Variants in RIMKLA observed in about 807,000 individuals in gnomAD.
RIMKLA encodes ribosomal modification protein rimK like family member A.
In RIMKLA, 14 loss-of-function variants were observed where a neutral mutation model predicts 32.7. The ratio of observed to expected loss-of-function variants is 0.43; its 90% CI spans 0.28 to 0.67. The LOEUF (loss-of-function observed/expected upper bound fraction) is 0.67. Among genes scored for constraint, RIMKLA ranks in the 30% least tolerant of loss-of-function variants. The probability of loss-of-function intolerance (pLI) is 0.18; values close to 1 mark genes in which losing one functional copy is unlikely to be tolerated. For missense variants in RIMKLA, 410 were observed against 519.0 expected (o/e 0.79, Z 2.04); for synonymous variants, 176 against 204.1 (o/e 0.86, Z 1.18).
rs1557749905 is a variant in RIMKLA, at chr1:42,385,842, T to TCTCTCTCTC, written c.163+4745_163+4746insCTCTCTCTC. Among the ~76,000 whole-genome samples, 291 of 63,606 alleles carry TCTCTCTCTC rather than the reference T, an allele frequency of 4.6e-3. 39 individuals are homozygous for TCTCTCTCTC. Among genetic ancestry groups the TCTCTCTCTC allele is most frequent in the Non-Finnish European group, 7.4e-3 (221 of 29,868 alleles). 41.7% of individuals were successfully genotyped at this position (63,606 alleles called of 152,430 possible). On this transcript the variant is annotated intron_variant, in intron 1 of 4. Coordinates refer to ENST00000431473, the MANE Select transcript of RIMKLA (RefSeq NM_173642.4). ...TTCCTTCCTTCCTTTCTTTCTTTCTTTCTCTTTCTTTCTTTCTTTCTTTCT... is the reference window on the plus strand; with the variant it reads ...TTCCTTCCTTCCTTTCTTTCTTTCTTCTCTCTCTCTCTCTTTCTTTCTTTCTTTCTTTCT...
rs766592402 is a variant in RIMKLA, at chr1:42,414,594, G to A, written c.796G>A (p.Asp266Asn). The change falls in exon 5 of 5, where the codon GAT becomes AAT. Residue 266 changes from aspartate (D) to asparagine (N), a missense_variant. Asp to Asn is a conservative substitution (Grantham distance 23). Transcript: ENST00000431473. ...TGGCATTGATCTCCTTATCATGGACGATGGCTCCTTTGTGGTGTGTGAGGC... is the reference window on the plus strand; with the variant it reads ...TGGCATTGATCTCCTTATCATGGACAATGGCTCCTTTGTGGTGTGTGAGGC... ...FCGIDLLIMD[D>N]GSFVVCEANA... 21 of 1,614,230 alleles carry A rather than the reference G, an allele frequency of 1.3e-5. No individual in the cohort carries two copies. Among genetic ancestry groups the A allele is most frequent in the African/African-American group, 2.7e-5 (2 of 75,070 alleles).
Position 42,422,482 on chromosome 1 carries a change from A to G in RIMKLA, c.*7508A>G, listed in dbSNP as rs1643303628. 1 of 152,254 alleles carries G rather than the reference A, an allele frequency of 6.6e-6. No individual in the cohort carries two copies. The highest frequency in any genetic ancestry group is 1.5e-5 in the Non-Finnish European group (1 of 68,046). The allele number at this position is 152,254 out of a possible 1,614,324, so 9.4% of individuals were successfully genotyped here. A position where few individuals can be genotyped will look rare whatever the true frequency, so the allele number is the denominator to read the frequency against. ...AATAGCTCATTTCCAAGTGGTTTAT[A>G]CAGCAATAACAGTGTTAACTTCTCC... On this transcript the variant is annotated 3_prime_UTR_variant, in exon 5 of 5. Coordinates refer to ENST00000431473, the MANE Select transcript of RIMKLA (RefSeq NM_173642.4).
intron 1 of RIMKLA, among the ~76,000 whole-genome samples, chr1:42,382,390 A>G (rs1642897073): frequency 6.6e-6 from 1 of 152,236 alleles, no homozygotes; most frequent in Non-Finnish European, 1.5e-5. Flanking sequence ...TACAGTTAAC[A>G]AGTATCTTGG....
Position 42,416,087 on chromosome 1 carries a change from C to CGCGG in RIMKLA, c.*1114_*1115insCGGG, listed in dbSNP as rs1643244443. ...CAGGAATTACCCATTGCACATTTTG[C>CGCGG]GGGGGGGGGGGCTAATGTAGACATG... On this transcript the variant is annotated 3_prime_UTR_variant, in exon 5 of 5. Coordinates refer to ENST00000431473, the MANE Select transcript of RIMKLA (RefSeq NM_173642.4). 1 of 95,692 alleles carries CGCGG rather than the reference C, an allele frequency of 1.0e-5. No individual in the cohort carries two copies. 5.9% of individuals were successfully genotyped at this position (95,692 alleles called of 1,614,324 possible).
At chr1:42,396,016 G>A (rs1033186518) in intron 1 of RIMKLA, among the ~76,000 whole-genome samples, 4 of 151,998 alleles carry the variant, frequency 2.6e-5, no homozygotes, top group South Asian at 2.1e-4. Context: ...TGAGGCGGGC[G>A]GATCACCTGA....
In RIMKLA at chr1:42,399,480, G is replaced by A. The variant is rs780915062; in HGVS notation, c.240G>A (p.Gln80=). 1.5e-5 allele frequency: 25 copies of A among 1,613,424 alleles called. No individual in the cohort carries two copies. Among genetic ancestry groups the A allele is most frequent in the Non-Finnish European group, 2.1e-5 (25 of 1,179,830 alleles). ...TACGGGTACCCACACCCTCAGTGCA[G>A]TCAGACAGTGACATCACTGTCCTGC... ...VLVRVPTPSV[Q]SDSDITVLRH... is the part of the protein sequence containing the mutation. The change falls in exon 2 of 5, where the codon CAG becomes CAA. Residue 80 remains glutamine (Q), a synonymous_variant. Transcript: ENST00000431473.
At chr1:42,391,992 A>G (rs17378108) in intron 1 of RIMKLA, among the ~76,000 whole-genome samples, 22,874 of 152,134 alleles carry the variant, frequency 0.15, 1,811 homozygotes, top group East Asian at 0.23. Flanking sequence ...CTTTCATCTC[A>G]TGTTGTTTCA....
chr1:42,398,747 G>A (rs994997122), intron 1 of RIMKLA, among the ~76,000 whole-genome samples: 2 of 152,084 alleles, frequency 1.3e-5, no homozygotes, highest in African/African-American at 4.8e-5. Flanking sequence ...CGAGTGAACT[G>A]CTTGAGCTCA....
intron 2 of RIMKLA, among the ~76,000 whole-genome samples, chr1:42,402,085 C>T (rs938097877): frequency 6.6e-6 from 1 of 152,124 alleles, no homozygotes; most frequent in African/African-American, 2.4e-5. Context: ...GAAGATGCCC[C>T]TAATTACGTT....
intron 3 of RIMKLA, among the ~76,000 whole-genome samples, chr1:42,407,569 G>T (rs1643158618): frequency 6.6e-6 from 1 of 152,286 alleles, no homozygotes; most frequent in African/African-American, 2.4e-5. Context: ...AGTACCATTT[G>T]TTGAAGAGCC....
At chr1:42,392,820 C>T (rs1336174084) in intron 1 of RIMKLA, among the ~76,000 whole-genome samples, 5 of 152,042 alleles carry the variant, frequency 3.3e-5, no homozygotes, top group African/African-American at 7.3e-5. Context: ...GGTGAAAACC[C>T]GTCTCTACAA....
intron 4 of RIMKLA, among the ~76,000 whole-genome samples, chr1:42,411,127 T>G (rs1643193549): frequency 6.6e-6 from 1 of 152,150 alleles, no homozygotes; most frequent in African/African-American, 2.4e-5. Flanking sequence ...GCCAGGAGTT[T>G]GAGACCAGCC....
intron 1 of RIMKLA, among the ~76,000 whole-genome samples, chr1:42,395,330 G>A (rs976444272): frequency 5.3e-5 from 8 of 150,240 alleles, no homozygotes; most frequent in Admixed American, 4.6e-4. Context: ...ATATTTCATT[G>A]ACCTATTTGG....
At chr1:42,414,338 C>A (rs1332584634) in intron 4 of RIMKLA, 146 bp from the exon 5 acceptor site, 1 of 817,234 alleles carries the variant, frequency 1.2e-6, no homozygotes, top group Non-Finnish European at 1.9e-6. Context: ...ATTGTTTTCC[C>A]AAGGTGTACT....
At position 42,399,531 on chromosome 1, in the gene RIMKLA, G is replaced by A. The variant is rs1438396113; in HGVS notation, c.291G>A (p.Arg97=). The change falls in exon 2 of 5, where the codon CGG becomes CGA. Residue 97 remains arginine, a synonymous_variant. Transcript: ENST00000431473. ...VLRHLEKLGC[R]LVNRPQSILN... ...GACACCTGGAGAAGCTGGGCTGCCG[G>A]TTGGTCAATCGCCCACAGAGCATCT... is the stretch of plus-strand genomic sequence containing the variant. 1 of 1,613,564 alleles carries A rather than the reference G, an allele frequency of 6.2e-7. No individual in the cohort carries two copies. The highest frequency in any genetic ancestry group is 8.5e-7 in the Non-Finnish European group (1 of 1,179,802).
rs867772405 is a variant in RIMKLA at position 42,388,468 on chromosome 1, G to C, written c.163+7371G>C. 6.9e-4 allele frequency among the ~76,000 whole-genome samples: 105 copies of C among 151,372 alleles called. 2 individuals are homozygous for C. Among genetic ancestry groups the C allele is most frequent in the Middle Eastern group, 3.5e-3 (1 of 286 alleles). On this transcript the variant is annotated intron_variant, in intron 1 of 4. Transcript: ENST00000431473. ...AATTCACCTATCTCGGCCTCCCAAA[G>C]TGCTAGGATTACAGGCATGAGCCAC...
At chr1:42,383,477 A>G (rs2148381303) in intron 1 of RIMKLA, among the ~76,000 whole-genome samples, 1 of 152,314 alleles carries the variant, frequency 6.6e-6, no homozygotes, top group Non-Finnish European at 1.5e-5. Flanking sequence ...CTCTCAATAC[A>G]TATTTTTTTA....
chr1:42,395,499 T>C (rs1643035683), intron 1 of RIMKLA, among the ~76,000 whole-genome samples: 1 of 151,908 alleles, frequency 6.6e-6, no homozygotes, highest in African/African-American at 2.4e-5. Context: ...CCAAGAGCAC[T>C]AGGGTACTTA....
chr1:42,382,644 C>T (rs932714815), intron 1 of RIMKLA, among the ~76,000 whole-genome samples: 2 of 152,012 alleles, frequency 1.3e-5, no homozygotes, highest in African/African-American at 4.8e-5. Context: ...AGCCAAATTC[C>T]ACATCACATT....
Sources: gnomAD v4.1 joint callset for allele counts (sites outside exome capture counted in the v4.1 genomes callset) on GRCh38, gnomAD v4.1.1 for gene constraint, MANE v1.5 for transcripts, NCBI Gene and HGNC (gene_info 2026-07-23, HGNC 2026-07-21) for gene names.